The following ALDH18A1 variants were observed in gnomAD, a reference collection of about 807,000 sequenced individuals.
The protein encoded by ALDH18A1 is delta-1-pyrroline-5-carboxylate synthase.
ALDH18A1 carries 44 observed loss-of-function variants against 88.8 expected under a neutral mutation model. The observed-to-expected ratio is 0.50, with a 90% CI of 0.39 to 0.64. The LOEUF is 0.64. Ranked by LOEUF, ALDH18A1 falls within the 30% of genes least tolerant of loss-of-function variation. The probability of loss-of-function intolerance (pLI) is 0.00; values close to 1 mark genes in which losing one functional copy is unlikely to be tolerated. For missense variants in ALDH18A1, 782 were observed against 1,009.5 expected, an observed-to-expected ratio of 0.77 and a Z score of 3.05; for synonymous variants, 331 against 372.1, an observed-to-expected ratio of 0.89 and a Z score of 1.27.
chr10:95,631,523 T>A (rs2097869425), intron 7 of ALDH18A1, among the ~76,000 whole-genome samples: 1 of 151,914 alleles, frequency 6.6e-6, no homozygotes, highest in Non-Finnish European at 1.5e-5. Context: ...GGCAGGTGGA[T>A]CACAAGGTCA....
At chr10:95,647,539 G>A (rs1385796940) in intron 2 of ALDH18A1, among the ~76,000 whole-genome samples, 4 of 152,200 alleles carry the variant, frequency 2.6e-5, no homozygotes, top group African/African-American at 4.8e-5. Context: ...TTGTTATAAT[G>A]TTGGTGTAAG....
At chr10:95,632,896 T>A in intron 7 of ALDH18A1, 63 bp downstream of exon 7, 1 of 1,366,542 alleles carries the variant, frequency 7.3e-7, no homozygotes, top group African/African-American at 1.4e-5. Flanking sequence ...GGGAAACTCA[T>A]GTGCTCACAT....
chr10:95,653,284 A>G lies in ALDH18A1; in HGVS notation c.88+6T>C. Reference sequence around the variant, plus strand: ...CACATACTCATAAGTTTTCTATGGTACATACGAGATCTGAAGACGGTTGTA... The same window carrying G: ...CACATACTCATAAGTTTTCTATGGTGCATACGAGATCTGAAGACGGTTGTA... On this transcript the variant is annotated splice_donor_region_variant and intron_variant, in intron 2 of 17. Transcript: ENST00000371224. 6.2e-7 allele frequency: 1 copy of G among 1,607,858 alleles called. No homozygotes were observed. Among genetic ancestry groups the G allele is most frequent in the Non-Finnish European group, 8.5e-7 (1 of 1,175,610 alleles).
At chr10:95,649,590 C>T (rs969541198) in intron 2 of ALDH18A1, among the ~76,000 whole-genome samples, 4 of 152,010 alleles carry the variant, frequency 2.6e-5, no homozygotes, top group African/African-American at 7.2e-5. Flanking sequence ...ATCCTGACCT[C>T]GTGATCTGCC....
At position 95,606,473 on chromosome 10, in the gene ALDH18A1, T is replaced by C; in HGVS notation, c.*289A>G. On this transcript the variant is annotated 3_prime_UTR_variant, in exon 18 of 18. Transcript: ENST00000371224. ...AAAGCAGCCATGGGTTTTCCTCGCCTTTTTTATGGGGAAAATGCACCTTTC... is the reference window on the plus strand; with the variant it reads ...AAAGCAGCCATGGGTTTTCCTCGCCCTTTTTATGGGGAAAATGCACCTTTC... The C allele has an allele frequency of 7.9e-7, 1 of 1,259,480 alleles. No homozygotes were observed. Among genetic ancestry groups the C allele is most frequent in the East Asian group, 4.1e-5 (1 of 24,508 alleles). The allele number at this position is 1,259,480 out of a possible 1,614,324, so 78.0% of individuals were successfully genotyped here.
At chr10:95,619,551 C>T (rs2097848988) in intron 12 of ALDH18A1, among the ~76,000 whole-genome samples, 1 of 152,100 alleles carries the variant, frequency 6.6e-6, no homozygotes, top group South Asian at 2.1e-4. Context: ...TACAAGGCTA[C>T]AGTAACCAAA....
chr10:95,612,114 G>T (rs371512850), intron 15 of ALDH18A1, among the ~76,000 whole-genome samples: 1 of 152,192 alleles, frequency 6.6e-6, no homozygotes, highest in Non-Finnish European at 1.5e-5. Flanking sequence ...CACTAGACTC[G>T]TGTGGAAAAA....
chr10:95,646,976 C>T (rs1358468848), intron 2 of ALDH18A1, among the ~76,000 whole-genome samples: 1 of 152,204 alleles, frequency 6.6e-6, no homozygotes, highest in Non-Finnish European at 1.5e-5. Flanking sequence ...GGGACCCAGA[C>T]ATGACTACTC....
At chr10:95,650,189 C>T (rs1444484985) in intron 2 of ALDH18A1, among the ~76,000 whole-genome samples, 3 of 152,096 alleles carry the variant, frequency 2.0e-5, no homozygotes, top group Non-Finnish European at 4.4e-5. Flanking sequence ...TTAGACTTGA[C>T]CCCAAAAGTA....
intron 13 of ALDH18A1, among the ~76,000 whole-genome samples, chr10:95,615,570 GA>G (rs773373854): frequency 3.3e-5 from 5 of 152,150 alleles, no homozygotes; most frequent in Non-Finnish European, 7.4e-5. Context: ...TCAATAGGAA[GA>G]AAAGGAGGGA....
rs956573150 is a variant in ALDH18A1, at chr10:95,656,598, T to G, written c.-30A>C. 6.6e-6 allele frequency: 1 copy of G among 152,618 alleles called. No individual in the cohort carries two copies. Among genetic ancestry groups the G allele is most frequent in the Non-Finnish European group, 1.5e-5 (1 of 68,384 alleles). 9.5% of individuals were successfully genotyped at this position (152,618 alleles called of 1,614,324 possible). The stretch of plus-strand genomic sequence containing the variant: ...CCATCCCCGCCGCTCGCCGCGTACC[T>G]TCCTCACCACCGCCGCCTTCGCCCC... On this transcript the variant is annotated splice_region_variant and 5_prime_UTR_variant, in exon 1 of 18. Coordinates refer to ENST00000371224, the MANE Select transcript of ALDH18A1 (RefSeq NM_002860.4).
intron 11 of ALDH18A1, 93 bp downstream of exon 11, chr10:95,625,269 T>A: frequency 1.9e-6 from 2 of 1,036,304 alleles, no homozygotes; most frequent in South Asian, 1.3e-5. Flanking sequence ...AAAATCCTTA[T>A]CTTTAGGCAG....
Position 95,637,209 on chromosome 10 carries a change from C to G in ALDH18A1, c.454-12G>C, listed in dbSNP as rs1369610353. On this transcript the variant is annotated splice_polypyrimidine_tract_variant and intron_variant, in intron 4 of 17. Coordinates refer to ENST00000371224, the MANE Select transcript of ALDH18A1 (RefSeq NM_002860.4). ...AAGACTGGAATTGCCTGTAATATAC[C>G]AATGAGACAAGGTGTGGTAGGGAAT... 13 of 1,614,202 alleles carry G rather than the reference C, an allele frequency of 8.1e-6. No individual in the cohort carries two copies. Among genetic ancestry groups the G allele is most frequent in the Non-Finnish European group, 1.0e-5 (12 of 1,180,040 alleles).
rs1036467530 is a variant in ALDH18A1 at position 95,628,616 on chromosome 10, C to A, written c.809-124G>T. 4 of 1,141,164 alleles carry A rather than the reference C, an allele frequency of 3.5e-6. No individual in the cohort carries two copies. In the African/African-American group the frequency reaches 6.2e-5, roughly 18 times the overall value. The allele number at this position is 1,141,164 out of a possible 1,614,324, so 70.7% of individuals were successfully genotyped here. On this transcript the variant is annotated intron_variant, in intron 7 of 17. Coordinates refer to ENST00000371224, the MANE Select transcript of ALDH18A1 (RefSeq NM_002860.4). ...CCAAATGAATTCCACTGCACTACCACCTGCTTTAACCAGAAAAAGAGAACA... is the reference window on the plus strand; with the variant it reads ...CCAAATGAATTCCACTGCACTACCAACTGCTTTAACCAGAAAAAGAGAACA...
Position 95,611,265 on chromosome 10 carries a change from T to C in ALDH18A1, c.2101A>G (p.Thr701Ala), listed in dbSNP as rs746723369. 6.2e-7 allele frequency: 1 copy of C among 1,613,900 alleles called. No individual in the cohort carries two copies. The highest frequency in any genetic ancestry group is 1.3e-5 in the African/African-American group (1 of 74,920). The change falls in exon 16 of 18, where the codon ACA becomes GCA. Residue 701 changes from threonine to alanine, a missense_variant. Coordinates refer to ENST00000371224, the MANE Select transcript of ALDH18A1 (RefSeq NM_002860.4). ...GCATCTGGACACTGACCGTCCTCTG[T>C]GACGATGACATCCGTGTGGGAGCTG... ...YGSSHTDVIV[T>A]EDENTAEFFL...
intron 2 of ALDH18A1, among the ~76,000 whole-genome samples, chr10:95,650,125 C>T (rs1275043234): frequency 6.6e-6 from 1 of 151,760 alleles, no homozygotes; most frequent in South Asian, 2.1e-4. Flanking sequence ...ATCGAACTTT[C>T]GGGAAAAAAA....
chr10:95,653,548 T>C, intron 1 of ALDH18A1, 143 bp from the exon 2 acceptor site: 1 of 685,310 alleles, frequency 1.5e-6, no homozygotes, highest in South Asian at 1.7e-5. Flanking sequence ...TCCCACCTCC[T>C]CTATATTATA....
intron 7 of ALDH18A1, among the ~76,000 whole-genome samples, chr10:95,630,180 A>C (rs995405955): frequency 2.4e-4 from 36 of 152,120 alleles, no homozygotes; most frequent in Non-Finnish European, 1.2e-4. Flanking sequence ...GCATGATCAC[A>C]GTTGACTGCA....
intron 7 of ALDH18A1, among the ~76,000 whole-genome samples, chr10:95,632,375 T>C (rs1355859370): frequency 6.6e-6 from 1 of 152,222 alleles, no homozygotes; most frequent in Non-Finnish European, 1.5e-5. Flanking sequence ...TATTTATTTA[T>C]TTATTTTTGA....
Sources: gnomAD v4.1 joint callset for allele counts (sites outside exome capture counted in the v4.1 genomes callset) on GRCh38, gnomAD v4.1.1 for gene constraint, MANE v1.5 for transcripts, NCBI Gene and HGNC (gene_info 2026-07-23, HGNC 2026-07-21) for gene names.